Variants in PTPN4 observed in about 807,000 individuals in gnomAD.
The protein encoded by PTPN4 is protein tyrosine phosphatase non-receptor type 4.
Under a neutral mutation model 135.5 loss-of-function variants are expected in PTPN4, and 49 were observed. The ratio of observed to expected loss-of-function variants is 0.36; its 90% CI spans 0.29 to 0.46. The LOEUF (loss-of-function observed/expected upper bound fraction) is 0.46. Among genes scored for constraint, PTPN4 ranks in the 20% least tolerant of loss-of-function variants. PTPN4 has a pLI of 1.00. For synonymous variants in PTPN4, 333 were observed against 369.9 expected, an observed-to-expected ratio of 0.90 and a Z score of 1.14; for missense variants, 860 against 1,101.0, an observed-to-expected ratio of 0.78 and a Z score of 3.10.
chr2:119,916,195 G>A (rs1166067664), intron 11 of PTPN4: 3 of 132,460 alleles, frequency 2.3e-5, no homozygotes, highest in African/African-American at 5.7e-5. Context: ...GGGAGGCCCT[G>A]TCTCAAAAAA....
intron 10 of PTPN4, among the ~76,000 whole-genome samples, chr2:119,912,936 T>A (rs1056975740): frequency 6.6e-6 from 1 of 152,182 alleles, no homozygotes; most frequent in Non-Finnish European, 1.5e-5. Flanking sequence ...CATATATCTC[T>A]ATAGATATGC....
At chr2:119,941,975 C>T (rs1281961770) in intron 15 of PTPN4, among the ~76,000 whole-genome samples, 1 of 152,164 alleles carries the variant, frequency 6.6e-6, no homozygotes, top group African/African-American at 2.4e-5. Flanking sequence ...ACTGCAGGCC[C>T]ATTCTTTCCG....
intron 1 of PTPN4, among the ~76,000 whole-genome samples, chr2:119,771,248 T>C (rs1690729420): frequency 6.6e-6 from 1 of 152,188 alleles, no homozygotes; most frequent in Admixed American, 6.5e-5. Flanking sequence ...GAGTGAATGA[T>C]CCCAAATGAT....
intron 2 of PTPN4, among the ~76,000 whole-genome samples, chr2:119,828,230 C>G (rs906384272): frequency 6.6e-6 from 1 of 152,234 alleles, no homozygotes; most frequent in African/African-American, 2.4e-5. Flanking sequence ...AGCAAGGCAT[C>G]TTGTACGTCA....
intron 9 of PTPN4, among the ~76,000 whole-genome samples, chr2:119,889,226 T>G (rs1023373075): frequency 6.6e-6 from 1 of 152,110 alleles, no homozygotes; most frequent in Admixed American, 6.5e-5. Flanking sequence ...GAGACCATCC[T>G]GGCTAACGCG....
intron 10 of PTPN4, among the ~76,000 whole-genome samples, chr2:119,902,998 T>A (rs752441292): frequency 1.3e-5 from 2 of 152,100 alleles, no homozygotes; most frequent in Admixed American, 6.5e-5. Context: ...CTCCTGCATT[T>A]CCCCACTGAC....
At chr2:119,809,705 C>G in intron 1 of PTPN4, 132 bp from the exon 2 acceptor site, 5 of 744,192 alleles carry the variant, frequency 6.7e-6, no homozygotes, top group Non-Finnish European at 1.0e-5. Context: ...AATTCTTATT[C>G]TGGTGTTTCA....
chr2:119,965,076 C>T (rs1006691458), intron 24 of PTPN4, among the ~76,000 whole-genome samples: 1 of 151,964 alleles, frequency 6.6e-6, no homozygotes, highest in African/African-American at 2.4e-5. Context: ...AAGTTAAGAT[C>T]GTTGATTGGT....
intron 15 of PTPN4, among the ~76,000 whole-genome samples, 165 bp from the exon 16 acceptor site, chr2:119,944,916 A>T (rs1679111150): frequency 6.6e-6 from 1 of 152,154 alleles, no homozygotes; most frequent in Admixed American, 6.5e-5. Context: ...AGGAAATTAG[A>T]TTTATTACTT....
intron 1 of PTPN4, among the ~76,000 whole-genome samples, chr2:119,760,733 C>CTTTT (rs59953430): frequency 0.061 from 4,853 of 79,868 alleles, 351 homozygotes; most frequent in African/African-American, 0.11. Flanking sequence ...GGTAGAATTC[C>CTTTT]TTTTTTTTTT....
chr2:119,775,995 C>A (rs567041233), intron 1 of PTPN4, among the ~76,000 whole-genome samples: 1 of 151,972 alleles, frequency 6.6e-6, no homozygotes, highest in African/African-American at 2.4e-5. Context: ...AGATGATAAG[C>A]AAGAAGATGT....
chr2:119,926,226 CAGA>C (rs1275812041), intron 12 of PTPN4, among the ~76,000 whole-genome samples: 5 of 152,308 alleles, frequency 3.3e-5, no homozygotes, highest in African/African-American at 9.6e-5. Flanking sequence ...TGGTGTACTT[CAGA>C]AGAAGATCAG....
chr2:119,955,135 T>G, intron 19 of PTPN4, 22 bp from the exon 20 acceptor site: 1 of 1,568,990 alleles, frequency 6.4e-7, no homozygotes, highest in Non-Finnish European at 8.6e-7. Context: ...GTTTTGGGGT[T>G]TGTTTGATTT....
At chr2:119,884,404 A>G (rs1039858716) in intron 8 of PTPN4, among the ~76,000 whole-genome samples, 6 of 152,220 alleles carry the variant, frequency 3.9e-5, no homozygotes, top group Non-Finnish European at 8.8e-5. Context: ...GCCAAGCTAA[A>G]TAGTTGCCAC....
intron 3 of PTPN4, among the ~76,000 whole-genome samples, chr2:119,871,563 T>A (rs1407506131): frequency 6.6e-6 from 1 of 152,110 alleles, no homozygotes; most frequent in African/African-American, 2.4e-5. Context: ...CATTATTAAA[T>A]GCTTGTATGC....
At chr2:119,843,224 T>TC (rs888884592) in intron 2 of PTPN4, among the ~76,000 whole-genome samples, 5 of 148,126 alleles carry the variant, frequency 3.4e-5, no homozygotes, top group African/African-American at 7.5e-5. Flanking sequence ...TTTTCTTTTT[T>TC]TTTTTTTTTT....
chr2:119,765,933 T>TGTGTGTGTGC lies in PTPN4; in HGVS notation c.-18+5550_-18+5551insTGTGTGTGCG, dbSNP rs1553430617. ...GTGAATCTGTGTGTGTGTGTGTGTG[T>TGTGTGTGTGC]GCGCGCGCGCATGTGCGTTGATTGC... On this transcript the variant is annotated intron_variant, in intron 1 of 26. Transcript: ENST00000263708. Among the ~76,000 whole-genome samples the TGTGTGTGTGC allele has an allele frequency of 6.6e-3, 1,002 of 151,138 alleles. 11 individuals carry two copies. The highest frequency in any genetic ancestry group is 0.023 in the African/African-American group (931 of 41,074).
intron 2 of PTPN4, among the ~76,000 whole-genome samples, chr2:119,823,266 G>A (rs976806765): frequency 2.8e-5 from 4 of 144,986 alleles, no homozygotes; most frequent in African/African-American, 7.7e-5. Context: ...ACGCAGTCTC[G>A]CTCTGTCGCC....
At chr2:119,946,254 A>G in intron 16 of PTPN4, 87 bp from the exon 17 acceptor site, 1 of 1,001,872 alleles carries the variant, frequency 1.0e-6, no homozygotes, top group Non-Finnish European at 1.5e-6. Flanking sequence ...GCATAATATA[A>G]GCATACAAAA....
Sources: gnomAD v4.1 joint callset for allele counts (sites outside exome capture counted in the v4.1 genomes callset) on GRCh38, gnomAD v4.1.1 for gene constraint, MANE v1.5 for transcripts, NCBI Gene and HGNC (gene_info 2026-07-23, HGNC 2026-07-21) for gene names.